The following ATG7 variants were observed in gnomAD, a reference collection of about 807,000 sequenced individuals.
ATG7 encodes the protein autophagy related 7.
In ATG7, 70 loss-of-function variants were observed where a neutral mutation model predicts 82.4. The ratio of observed to expected loss-of-function variants is 0.85; its 90% CI spans 0.70 to 1.04. The LOEUF (loss-of-function observed/expected upper bound fraction) is 1.04, where lower values mean the gene tolerates loss of function less well. Among genes scored for constraint, ATG7 ranks in the 50% least tolerant of loss-of-function variants. The probability of loss-of-function intolerance (pLI) is 0.00; values close to 1 mark genes in which losing one functional copy is unlikely to be tolerated. For missense variants in ATG7, 792 were observed against 864.3 expected, an observed-to-expected ratio of 0.92 and a Z score of 1.05; for synonymous variants, 287 against 313.0, an observed-to-expected ratio of 0.92 and a Z score of 0.88.
At chr3:11,376,482 C>A (rs1356571212) in intron 18 of ATG7, among the ~76,000 whole-genome samples, 1 of 152,098 alleles carries the variant, frequency 6.6e-6, no homozygotes, top group Non-Finnish European at 1.5e-5. Context: ...TGTGTTTGAG[C>A]TGAGTGGTTT....
chr3:11,418,492 C>T (rs1440810586), intron 19 of ATG7, among the ~76,000 whole-genome samples: 1 of 152,156 alleles, frequency 6.6e-6, no homozygotes, highest in African/African-American at 2.4e-5. Context: ...ACTGAGAGAA[C>T]CTGGTTTAGC....
At chr3:11,429,546 A>C (rs2082675683) in intron 20 of ATG7, among the ~76,000 whole-genome samples, 1 of 151,920 alleles carries the variant, frequency 6.6e-6, no homozygotes, top group East Asian at 1.9e-4. Context: ...AACTTTGAAA[A>C]ATCAGATCTG....
At chr3:11,477,268 G>C in intron 20 of ATG7, 1 of 1,248,128 alleles carries the variant, frequency 8.0e-7, no homozygotes, top group Non-Finnish European at 1.0e-6. Context: ...TGTTCCATAA[G>C]GTAGATGAAC....
chr3:11,353,989 A>G (rs1272189770), intron 14 of ATG7, among the ~76,000 whole-genome samples: 3 of 152,196 alleles, frequency 2.0e-5, no homozygotes, highest in East Asian at 1.9e-4. Flanking sequence ...TTCACTGGGT[A>G]GCTGGCCTGA....
chr3:11,279,828 A>C (rs899089604), intron 1 of ATG7, among the ~76,000 whole-genome samples: 11 of 152,262 alleles, frequency 7.2e-5, no homozygotes, highest in African/African-American at 2.4e-4. Flanking sequence ...TACAAACGCC[A>C]GGCTATACTG....
chr3:11,337,637 T>C (rs954053183), intron 11 of ATG7, among the ~76,000 whole-genome samples: 2 of 152,062 alleles, frequency 1.3e-5, no homozygotes, highest in Non-Finnish European at 2.9e-5. Context: ...GAAATGGCTA[T>C]AGCCTTTATT....
chr3:11,361,857 A>T (rs1425060393), intron 16 of ATG7, among the ~76,000 whole-genome samples: 1 of 152,202 alleles, frequency 6.6e-6, no homozygotes, highest in Non-Finnish European at 1.5e-5. Flanking sequence ...CTGTTCCTTT[A>T]TCAGAACAGA....
At chr3:11,435,761 A>G (rs182018863) in intron 20 of ATG7, among the ~76,000 whole-genome samples, 22 of 152,176 alleles carry the variant, frequency 1.4e-4, no homozygotes, top group East Asian at 7.7e-4. Context: ...AATAATTCCT[A>G]CTCCTCACAA....
intron 9 of ATG7, among the ~76,000 whole-genome samples, chr3:11,325,663 C>G (rs1575459733): frequency 6.8e-6 from 1 of 147,720 alleles, no homozygotes; most frequent in East Asian, 2.0e-4. Flanking sequence ...AGGGGCGAAA[C>G]TACATCTCAA....
intron 19 of ATG7, among the ~76,000 whole-genome samples, chr3:11,424,292 T>C (rs943061831): frequency 2.6e-5 from 4 of 152,114 alleles, no homozygotes; most frequent in Non-Finnish European, 5.9e-5. Context: ...TTTAAAATTG[T>C]CTAATTTTAA....
At chr3:11,309,154 G>GAGAGAATTCTCTT (rs1948236301) in intron 7 of ATG7, 93 bp downstream of exon 7, 26 of 1,191,518 alleles carry the variant, frequency 2.2e-5, no homozygotes, top group Non-Finnish European at 3.3e-5. Flanking sequence ...TCTCTCCGAA[G>GAGAGAATTCTCTT]CTACTACCTT....
intron 20 of ATG7, among the ~76,000 whole-genome samples, chr3:11,547,850 T>G (rs2071422133): frequency 6.6e-6 from 1 of 152,202 alleles, no homozygotes; most frequent in Non-Finnish European, 1.5e-5. Context: ...TCTTTGCCCC[T>G]TTTTTTGTTT....
chr3:11,299,172 T>C (rs756884003), intron 4 of ATG7, 190 bp from the exon 5 acceptor site: 3 of 615,258 alleles, frequency 4.9e-6, no homozygotes, highest in Non-Finnish European at 8.5e-6. Flanking sequence ...ATGTCTCATA[T>C]TCACAAGAGC....
intron 20 of ATG7, among the ~76,000 whole-genome samples, chr3:11,548,696 C>T (rs746926447): frequency 3.9e-5 from 6 of 152,164 alleles, no homozygotes; most frequent in African/African-American, 7.2e-5. Context: ...CCGTATCAGC[C>T]GATTGAACTC....
At chr3:11,572,058 G>A in the ATG7 span, among the ~76,000 whole-genome samples, 2,346 of 152,262 alleles carry the variant, frequency 0.015, 35 homozygotes, top group South Asian at 0.024. Context: ...AGTGAGCTGA[G>A]ATCTGCACCA....
At chr3:11,452,016 G>A (rs1052115836) in intron 20 of ATG7, among the ~76,000 whole-genome samples, 2 of 71,648 alleles carry the variant, frequency 2.8e-5, no homozygotes, top group South Asian at 5.9e-4. Context: ...CCAGGGACTT[G>A]GGGGGTTGGG....
chr3:11,414,139 T>C (rs1402441603), intron 19 of ATG7, among the ~76,000 whole-genome samples: 1 of 152,184 alleles, frequency 6.6e-6, no homozygotes, highest in Non-Finnish European at 1.5e-5. Context: ...CTTGGCTCAC[T>C]GTAACCTCCA....
intron 19 of ATG7, among the ~76,000 whole-genome samples, chr3:11,417,529 T>A (rs998483821): frequency 6.6e-6 from 1 of 152,136 alleles, no homozygotes; most frequent in Non-Finnish European, 1.5e-5. Flanking sequence ...CGTATTTTTT[T>A]CCATCTACGT....
chr3:11,389,232 CAA>C (rs752930553), intron 19 of ATG7, among the ~76,000 whole-genome samples: 8 of 57,264 alleles, frequency 1.4e-4, no homozygotes, highest in African/African-American at 4.7e-4. Context: ...GACCCTGTCT[CAA>C]AAAAAAAAAA....
Sources: allele counts gnomAD v4.1 joint callset (sites outside exome capture counted in the v4.1 genomes callset), GRCh38; gene constraint gnomAD v4.1.1; transcripts MANE v1.5; gene names NCBI Gene and HGNC (gene_info 2026-07-23, HGNC 2026-07-21).